CFI: variants seen among roughly 807,000 people sequenced by gnomAD.
The protein encoded by CFI is C3B/C4B inactivator.
A neutral mutation model predicts 78.8 loss-of-function variants in CFI; 66 were observed. The observed-to-expected ratio is 0.84, with a 90% CI of 0.69 to 1.03. The LOEUF is 1.03. Ranked by LOEUF, CFI falls within the 50% of genes least tolerant of loss-of-function variation. The pLI is 0.00. For missense variants in CFI, 706 were observed against 704.5 expected, an observed-to-expected ratio of 1.00 and a Z score of -0.02; for synonymous variants, 250 against 232.6, an observed-to-expected ratio of 1.07 and a Z score of -0.68.
chr4:109,733,202 A>C, the CFI span, among the ~76,000 whole-genome samples: 1 of 152,160 alleles, frequency 6.6e-6, no homozygotes, highest in Non-Finnish European at 1.5e-5. Context: ...CGAACTCCTG[A>C]CCTCAAGTCA....
At chr4:109,779,037 GC>G (rs1354244477) in intron 1 of CFI, among the ~76,000 whole-genome samples, 9 of 152,132 alleles carry the variant, frequency 5.9e-5, no homozygotes, top group African/African-American at 2.2e-4. Context: ...TACTGAATGA[GC>G]AAAAACTGGA....
In CFI at chr4:109,753,082, T is replaced by G. The variant is rs1383074092; in HGVS notation, c.905-579A>C. Reference sequence around the variant, plus strand: ...TATATATAAATAAATATTTATAATATATATTTATTATATAAACAAATATTT... The same window carrying G: ...TATATATAAATAAATATTTATAATAGATATTTATTATATAAACAAATATTT... On this transcript the variant is annotated intron_variant, in intron 7 of 12. Transcript: ENST00000394634. Among the ~76,000 whole-genome samples the G allele has an allele frequency of 7.3e-4, 81 of 110,586 alleles. 1 individual carries two copies. The highest frequency in any genetic ancestry group is 3.2e-3 in the South Asian group (13 of 4,112). The allele number at this position is 110,586 out of a possible 152,430, so 72.5% of individuals were successfully genotyped here. A position where few individuals can be genotyped will look rare whatever the true frequency, so the allele number is the denominator to read the frequency against.
chr4:109,770,363 C>T (rs1438402181), intron 1 of CFI, among the ~76,000 whole-genome samples: 1 of 151,800 alleles, frequency 6.6e-6, no homozygotes, highest in Non-Finnish European at 1.5e-5. Flanking sequence ...AGTTTGAGAC[C>T]AACCTGGCTA....
intron 8 of CFI, among the ~76,000 whole-genome samples, chr4:109,750,730 A>G (rs1451615384): frequency 2.6e-5 from 4 of 152,198 alleles, no homozygotes; most frequent in African/African-American, 9.7e-5. Context: ...CAGATGAGAA[A>G]GGAAAATGAA....
chr4:109,758,131 T>C (rs1012507268), intron 6 of CFI, among the ~76,000 whole-genome samples: 1 of 151,960 alleles, frequency 6.6e-6, no homozygotes, highest in African/African-American at 2.4e-5. Flanking sequence ...ACAATGATAG[T>C]TGGCTAAATG....
chr4:109,791,166 T>C lies in CFI; in HGVS notation c.57+10749A>G, dbSNP rs148419389. 4.9e-3 allele frequency among the ~76,000 whole-genome samples: 740 copies of C among 152,340 alleles called. 2 individuals carry two copies. The highest frequency in any genetic ancestry group is 0.041 in the Middle Eastern group (12 of 294). Reference sequence around the variant, plus strand: ...TGACTGGTGTGAGATGGTATTTCATTGTGGTTTTAATTTGCATTTATCCAG... The same window carrying C: ...TGACTGGTGTGAGATGGTATTTCATCGTGGTTTTAATTTGCATTTATCCAG... On this transcript the variant is annotated intron_variant, in intron 1 of 12. Coordinates refer to ENST00000394634, the MANE Select transcript of CFI (RefSeq NM_000204.5).
chr4:109,774,887 T>C (rs1729028115), intron 1 of CFI, among the ~76,000 whole-genome samples: 1 of 152,188 alleles, frequency 6.6e-6, no homozygotes, highest in Non-Finnish European at 1.5e-5. Flanking sequence ...GGTGTGATCT[T>C]AGAATGTCAA....
chr4:109,731,854 A>G, the CFI span, among the ~76,000 whole-genome samples: 1 of 152,210 alleles, frequency 6.6e-6, no homozygotes, highest in Non-Finnish European at 1.5e-5. Context: ...AAAATACCAC[A>G]GATATTTTTA....
At chr4:109,775,359 C>A (rs1392264851) in intron 1 of CFI, among the ~76,000 whole-genome samples, 1 of 152,210 alleles carries the variant, frequency 6.6e-6, no homozygotes, top group Non-Finnish European at 1.5e-5. Flanking sequence ...ATATCCCGTG[C>A]CTGGCTCGGA....
intron 1 of CFI, among the ~76,000 whole-genome samples, chr4:109,783,141 C>T (rs1730277746): frequency 6.6e-6 from 1 of 152,004 alleles, no homozygotes; most frequent in African/African-American, 2.4e-5. Context: ...GACCAAGAAC[C>T]CAAAAGCAAA....
At position 109,752,476 on chromosome 4, in the gene CFI, A is replaced by G. The variant is rs2126196188; in HGVS notation, c.932T>C (p.Met311Thr). 2 of 1,613,496 alleles carry G rather than the reference A, an allele frequency of 1.2e-6. No individual in the cohort carries two copies. Among genetic ancestry groups the G allele is most frequent in the Admixed American group, 3.3e-5 (2 of 59,988 alleles). ...GTATAACGTTAGCTTACCTGCATCC[A>G]TGTCAGCAGTCAAAATTTCTGTTTC... The part of the protein sequence containing the change: ...QEETEILTAD[M>T]DAERRRIKSL... The change falls in exon 8 of 13, where the codon ATG becomes ACG. Residue 311 changes from methionine to threonine, a missense_variant. Physicochemically the swap from Met to Thr is moderately conservative, Grantham distance 81. Transcript: ENST00000394634.
At chr4:109,801,079 A>G (rs567380924) in intron 1 of CFI, among the ~76,000 whole-genome samples, 1 of 152,360 alleles carries the variant, frequency 6.6e-6, no homozygotes, top group African/African-American at 2.4e-5. Context: ...GATTGCCACC[A>G]AAGTTGGCAA....
At chr4:109,759,254 A>T (rs1278485925) in intron 6 of CFI, among the ~76,000 whole-genome samples, 3 of 29,088 alleles carry the variant, frequency 1.0e-4, no homozygotes, top group Non-Finnish European at 5.0e-4. Context: ...CAGTTTCTCT[A>T]AAAAAAAAAA....
At chr4:109,791,966 T>C (rs1375030892) in intron 1 of CFI, among the ~76,000 whole-genome samples, 2 of 152,224 alleles carry the variant, frequency 1.3e-5, no homozygotes, top group African/African-American at 4.8e-5. Flanking sequence ...CACATATTTG[T>C]AGATTTTCTA....
chr4:109,749,330 G>A lies in CFI; in HGVS notation c.1045-9C>T. ...TGCCATGGGAGGTCTCCCTGTAAAA[G>A]ACATTTGTGTGGTCACTGCCATTCT... On this transcript the variant is annotated splice_polypyrimidine_tract_variant and intron_variant, in intron 9 of 12. Transcript: ENST00000394634. 6.2e-7 allele frequency: 1 copy of A among 1,611,364 alleles called. No individual in the cohort carries two copies. Among genetic ancestry groups the A allele is most frequent in the South Asian group, 1.1e-5 (1 of 91,042 alleles).
chr4:109,775,712 GA>G (rs1729142641), intron 1 of CFI, among the ~76,000 whole-genome samples: 1 of 152,226 alleles, frequency 6.6e-6, no homozygotes, highest in South Asian at 2.1e-4. Flanking sequence ...GTGGGTTCAT[GA>G]CCCCCGAGTA....
the CFI span, among the ~76,000 whole-genome samples, chr4:109,731,670 A>C: frequency 2.0e-5 from 3 of 152,300 alleles, no homozygotes; most frequent in African/African-American, 7.2e-5. Flanking sequence ...GACTGCCTGC[A>C]CTTCACTCAG....
intron 12 of CFI, chr4:109,741,384 T>C: frequency 1.0e-6 from 1 of 984,968 alleles, no homozygotes; most frequent in East Asian, 1.1e-4. Flanking sequence ...GATTGCAACC[T>C]GAAAGTTGCA....
chr4:109,801,433 C>T (rs1732760356), intron 1 of CFI, among the ~76,000 whole-genome samples: 1 of 152,140 alleles, frequency 6.6e-6, no homozygotes, highest in African/African-American at 2.4e-5. Flanking sequence ...AGTCCTTTAC[C>T]ACATATTTGT....
Sources: allele counts gnomAD v4.1 joint callset (sites outside exome capture counted in the v4.1 genomes callset), GRCh38; gene constraint gnomAD v4.1.1; transcripts MANE v1.5; gene names NCBI Gene and HGNC (gene_info 2026-07-23, HGNC 2026-07-21).